PPP2R2C: variants seen among roughly 807,000 people sequenced by gnomAD.
PPP2R2C encodes the protein protein phosphatase 2, regulatory subunit B, gamma.
A neutral mutation model predicts 45.3 loss-of-function variants in PPP2R2C; 10 were observed. The observed-to-expected ratio is 0.22, with a 90% CI of 0.14 to 0.37. PPP2R2C has a LOEUF of 0.37. Among genes scored for constraint, PPP2R2C ranks in the 10% least tolerant of loss-of-function variants. The pLI is 1.00. For synonymous variants in PPP2R2C, 257 were observed against 245.4 expected (o/e 1.05, Z -0.44); for missense variants, 308 against 619.7 (o/e 0.50, Z 5.34).
At chr4:6,487,897 T>C (rs779233880) in intron 2 of PPP2R2C, among the ~76,000 whole-genome samples, 1 of 152,206 alleles carries the variant, frequency 6.6e-6, no homozygotes, top group African/African-American at 2.4e-5. Context: ...TCTGTTTCTT[T>C]TTAAAATTTT....
At chr4:6,456,314 C>A (rs557101883) in intron 1 of PPP2R2C, among the ~76,000 whole-genome samples, 1 of 147,832 alleles carries the variant, frequency 6.8e-6, no homozygotes, top group Non-Finnish European at 1.5e-5. Flanking sequence ...ATTTCCCCCC[C>A]CCCCCTTTAT....
chr4:6,323,780 A>T (rs1731721317), intron 8 of PPP2R2C, among the ~76,000 whole-genome samples, 187 bp from the exon 9 acceptor site: 1 of 152,114 alleles, frequency 6.6e-6, no homozygotes, highest in Non-Finnish European at 1.5e-5. Flanking sequence ...TACAAAAAAA[A>T]ATTAAAAATG....
At chr4:6,348,617 C>T in intron 5 of PPP2R2C, 1 of 983,960 alleles carries the variant, frequency 1.0e-6, no homozygotes, top group South Asian at 4.7e-5. Flanking sequence ...CGGCTCTGAT[C>T]TGTGCTCTCC....
At chr4:6,523,492 G>C (rs1006079889) in intron 2 of PPP2R2C, 1 of 152,236 alleles carries the variant, frequency 6.6e-6, no homozygotes, top group Non-Finnish European at 1.5e-5. Flanking sequence ...AACGTGATGA[G>C]TCATTAGGGA....
chr4:6,531,714 C>T (rs1013563446), intron 2 of PPP2R2C, among the ~76,000 whole-genome samples: 3 of 152,008 alleles, frequency 2.0e-5, no homozygotes, highest in Admixed American at 1.3e-4. Context: ...TATTAGGGGG[C>T]GAAGTTACTG....
intron 1 of PPP2R2C, among the ~76,000 whole-genome samples, chr4:6,536,332 A>G (rs1724613247): frequency 6.6e-6 from 1 of 152,266 alleles, no homozygotes; most frequent in Admixed American, 6.5e-5. Context: ...CTCACTATGT[A>G]AAGAACTCTT....
chr4:6,515,035 CCTGATTACAT>C lies in PPP2R2C; in HGVS notation c.49+20226_49+20235del, dbSNP rs1413133692. On this transcript the variant is annotated intron_variant, in intron 2 of 9. Transcript: ENST00000506140. The stretch of plus-strand genomic sequence containing the variant: ...TCTAGTAGGTCCTGCTTCATCTTCA[CCTGATTACAT>C]CTGCAAAGACCCAACTTCCACATGA... 4.6e-5 allele frequency among the ~76,000 whole-genome samples: 7 copies of C among 152,166 alleles called. No individual in the cohort carries two copies. The East Asian group carries it at 1.4e-3, about 29-fold the overall frequency.
intron 5 of PPP2R2C, among the ~76,000 whole-genome samples, chr4:6,362,439 CCT>C (rs1302096723): frequency 2.0e-5 from 3 of 152,210 alleles, no homozygotes; most frequent in Non-Finnish European, 4.4e-5. Flanking sequence ...TACCATGCCA[CCT>C]GCAGGGCAAA....
At chr4:6,333,443 G>T in intron 7 of PPP2R2C, 119 bp downstream of exon 7, 3 of 1,181,692 alleles carry the variant, frequency 2.5e-6, no homozygotes, top group Non-Finnish European at 3.5e-6. Context: ...CAGCCTCCGT[G>T]TCTTCACCTA....
At chr4:6,354,886 G>T (rs1713009337) in intron 5 of PPP2R2C, among the ~76,000 whole-genome samples, 1 of 152,108 alleles carries the variant, frequency 6.6e-6, no homozygotes, top group Non-Finnish European at 1.5e-5. Flanking sequence ...CGGAGGAGGT[G>T]TCCAATCAAC....
chr4:6,334,396 G>A (rs1301592277), intron 6 of PPP2R2C, among the ~76,000 whole-genome samples: 4 of 152,120 alleles, frequency 2.6e-5, no homozygotes, highest in East Asian at 1.9e-4. Flanking sequence ...GTCCCTAAAG[G>A]CAACGGTTTG....
chr4:6,518,062 C>T (rs1041439777), intron 2 of PPP2R2C, among the ~76,000 whole-genome samples: 2 of 152,084 alleles, frequency 1.3e-5, no homozygotes, highest in South Asian at 4.1e-4. Context: ...TAACACATGA[C>T]TCAAAGAAGT....
intron 1 of PPP2R2C, among the ~76,000 whole-genome samples, chr4:6,462,438 C>T (rs79538048): frequency 0.086 from 13,020 of 152,040 alleles, 841 homozygotes; most frequent in East Asian, 0.38. Flanking sequence ...AAGATCACGC[C>T]ATTGTACTCC....
chr4:6,468,912 G>A (rs1231530551), intron 1 of PPP2R2C, among the ~76,000 whole-genome samples: 4 of 151,002 alleles, frequency 2.6e-5, no homozygotes, highest in Non-Finnish European at 5.9e-5. Context: ...CAGGGTCCAG[G>A]GCCCAGGGCC....
At chr4:6,381,192 C>A (rs62285930) in intron 1 of PPP2R2C, 98 bp from the exon 2 acceptor site, 5 of 1,545,766 alleles carry the variant, frequency 3.2e-6, no homozygotes, top group Middle Eastern at 3.3e-4. Context: ...CCCCGCTCCC[C>A]GAGGCCCCAC....
chr4:6,550,540 C>T (rs1488279448), intron 1 of PPP2R2C, among the ~76,000 whole-genome samples: 1 of 152,238 alleles, frequency 6.6e-6, no homozygotes, highest in African/African-American at 2.4e-5. Context: ...ATATCTTCTA[C>T]TCTGGGAAGC....
At chr4:6,435,494 T>A (rs1035421913) in intron 1 of PPP2R2C, among the ~76,000 whole-genome samples, 3 of 152,260 alleles carry the variant, frequency 2.0e-5, no homozygotes, top group Non-Finnish European at 4.4e-5. Flanking sequence ...TTATGGCAAA[T>A]GTTTTCTTGC....
At position 6,453,555 on chromosome 4, in the gene PPP2R2C, A is replaced by G. The variant is rs1428993920; in HGVS notation, c.70+18605T>C. On this transcript the variant is annotated intron_variant, in intron 1 of 8. Coordinates refer to ENST00000382599, the MANE Select transcript of PPP2R2C (RefSeq NM_020416.4). ...CAGGGCGGCTTCCTGTGCATCCATC[A>G]TATTCACCGAGAATGGTCCCCCCGC... Among the ~76,000 whole-genome samples the G allele has an allele frequency of 6.7e-5, 10 of 150,172 alleles. No individual in the cohort carries two copies. In the East Asian group the frequency reaches 1.8e-3, roughly 27 times the overall value.
intron 6 of PPP2R2C, among the ~76,000 whole-genome samples, chr4:6,341,611 G>A (rs917306819): frequency 1.1e-4 from 16 of 152,178 alleles, no homozygotes; most frequent in African/African-American, 2.9e-4. Context: ...GGCAAAAGGG[G>A]CTTTGCAGAT....
Sources: allele counts gnomAD v4.1 joint callset (sites outside exome capture counted in the v4.1 genomes callset), GRCh38; gene constraint gnomAD v4.1.1; transcripts MANE v1.5; gene names NCBI Gene and HGNC (gene_info 2026-07-23, HGNC 2026-07-21).